The following PNPLA5 variants were observed in gnomAD, a reference collection of about 807,000 sequenced individuals.
PNPLA5 encodes the protein patatin like domain 5, triacylglycerol lipase.
A neutral mutation model predicts 49.1 loss-of-function variants in PNPLA5; 44 were observed. That is an observed-to-expected ratio of 0.90 (90% CI 0.70 to 1.15). PNPLA5 has a LOEUF of 1.15. Ranked by LOEUF, PNPLA5 falls within the 50% of genes most tolerant of loss-of-function variation. The pLI is 0.00. For synonymous variants in PNPLA5, 243 were observed against 244.4 expected, an observed-to-expected ratio of 0.99 and a Z score of 0.06; for missense variants, 603 against 564.0, an observed-to-expected ratio of 1.07 and a Z score of -0.70.
intron 7 of PNPLA5, among the ~76,000 whole-genome samples, chr22:43,882,235 C>T (rs116594705): frequency 2.7e-3 from 417 of 152,352 alleles, no homozygotes; most frequent in African/African-American, 9.7e-3. Context: ...AAGATGTCCC[C>T]GTGGTTCCCC....
rs1569506876 is a variant in PNPLA5 at position 43,881,683 on chromosome 22, A to T, written c.1083-9T>A. ...GCAGCCACACCACCAACCTGGAGGA[A>T]GGGGCAGGTCAGCTTTGCCCAGGTG... On this transcript the variant is annotated splice_polypyrimidine_tract_variant and intron_variant, in intron 7 of 8. Transcript: ENST00000216177. 1.9e-6 allele frequency: 3 copies of T among 1,613,356 alleles called. No individual in the cohort carries two copies. Among genetic ancestry groups the T allele is most frequent in the Non-Finnish European group, 2.5e-6 (3 of 1,179,726 alleles).
At chr22:43,881,861 G>T in intron 7 of PNPLA5, 187 bp from the exon 8 acceptor site, 1 of 702,110 alleles carries the variant, frequency 1.4e-6, no homozygotes, top group Non-Finnish European at 1.8e-6. Flanking sequence ...GACACCTGCA[G>T]GGTTGGAAAG....
chr22:43,882,545 T>C (rs922217098), intron 7 of PNPLA5, among the ~76,000 whole-genome samples: 1 of 152,280 alleles, frequency 6.6e-6, no homozygotes, highest in African/African-American at 2.4e-5. Flanking sequence ...CTCCTGCCTC[T>C]ATTAATGCAA....
chr22:43,886,677 C>G, intron 5 of PNPLA5, 189 bp from the exon 6 acceptor site: 1 of 908,942 alleles, frequency 1.1e-6, no homozygotes, highest in Non-Finnish European at 1.3e-6. Context: ...TCCCTGCCCA[C>G]TTTCGAGTGG....
chr22:43,885,734 C>A (rs1168390133), intron 6 of PNPLA5, among the ~76,000 whole-genome samples: 1 of 152,222 alleles, frequency 6.6e-6, no homozygotes, highest in Non-Finnish European at 1.5e-5. Flanking sequence ...AGCGGGCGGG[C>A]AGACTAAATG....
intron 1 of PNPLA5, 49 bp downstream of exon 1, chr22:43,891,639 T>G (rs2049724309): frequency 6.7e-7 from 1 of 1,489,058 alleles, no homozygotes; most frequent in South Asian, 1.4e-5. Context: ...TCGATCCGCT[T>G]TCATTAAGCT....
Position 43,880,346 on chromosome 22 carries a change from C to T in PNPLA5, c.*449G>A, listed in dbSNP as rs1368412850. 4 of 398,414 alleles carry T rather than the reference C, an allele frequency of 1.0e-5. No homozygotes were observed. Among genetic ancestry groups the T allele is most frequent in the Non-Finnish European group, 1.8e-5 (4 of 226,114 alleles). 24.7% of individuals were successfully genotyped at this position (398,414 alleles called of 1,614,324 possible). A position where few individuals can be genotyped will look rare whatever the true frequency, so the allele number is the denominator to read the frequency against. ...GATGCCGGGGGTCACCCCCAAGGGC[C>T]GCTGCAGGACTGAGAAAGTCTGGGG... is the stretch of plus-strand genomic sequence containing the variant. On this transcript the variant is annotated 3_prime_UTR_variant, in exon 9 of 9. Coordinates refer to ENST00000216177, the MANE Select transcript of PNPLA5 (RefSeq NM_138814.4).
chr22:43,888,412 T>C, intron 4 of PNPLA5, among the ~76,000 whole-genome samples: 1 of 77,566 alleles, frequency 1.3e-5, no homozygotes, highest in Non-Finnish European at 2.5e-5. Context: ...GTGTGTGTGT[T>C]TCTTTCTTTC....
chr22:43,889,604 C>T (rs1028560486), intron 3 of PNPLA5, 66 bp from the exon 4 acceptor site: 9 of 1,547,622 alleles, frequency 5.8e-6, no homozygotes, highest in Non-Finnish European at 7.8e-6. Flanking sequence ...CTGGCTGCAG[C>T]CGGTGACCCT....
chr22:43,889,015 C>G (rs1444774375), intron 4 of PNPLA5, among the ~76,000 whole-genome samples: 1 of 152,218 alleles, frequency 6.6e-6, no homozygotes, highest in Admixed American at 6.5e-5. Flanking sequence ...GATAACGGTA[C>G]CTGCCTACAG....
rs1232137618 is a variant in PNPLA5 at position 43,886,275 on chromosome 22, G to A, written c.949+28C>T. The stretch of plus-strand genomic sequence containing the variant: ...GGCCCCTGAGTGCAGGGCCCTGGTA[G>A]GTGAGCAAATGCAGGTAGAGTCCCT... On this transcript the variant is annotated intron_variant, in intron 6 of 8. Transcript: ENST00000216177. 1.9e-6 allele frequency: 3 copies of A among 1,596,144 alleles called. No individual in the cohort carries two copies. In the African/African-American group the frequency reaches 4.0e-5, roughly 21 times the overall value.
rs1049933987 is a variant in PNPLA5 at position 43,890,129 on chromosome 22, G to A, written c.427-265C>T. 13 of 971,854 alleles carry A rather than the reference G, an allele frequency of 1.3e-5. No individual in the cohort carries two copies. The African/African-American group carries it at 2.1e-4, about 16-fold the overall frequency. 60.2% of individuals were successfully genotyped at this position (971,854 alleles called of 1,614,324 possible). A position where few individuals can be genotyped will look rare whatever the true frequency, so the allele number is the denominator to read the frequency against. The stretch of plus-strand genomic sequence containing the variant: ...CAGGCTCCTGAGGAAGCCAGCCGGG[G>A]ACCCCAAAGAGTGGCCCAGACTCCT... On this transcript the variant is annotated intron_variant, in intron 2 of 8. Coordinates refer to ENST00000216177, the MANE Select transcript of PNPLA5 (RefSeq NM_138814.4).
chr22:43,884,454 G>A (rs1021086622), intron 6 of PNPLA5, 109 bp from the exon 7 acceptor site: 23 of 1,381,270 alleles, frequency 1.7e-5, no homozygotes, highest in East Asian at 2.8e-5. Flanking sequence ...ACCTTCTGCA[G>A]ATGAAGAAGC....
Position 43,881,659 on chromosome 22 carries a change from C to T in PNPLA5, c.1098G>A (p.Leu366=), listed in dbSNP as rs1157327371. 1 of 1,613,814 alleles carries T rather than the reference C, an allele frequency of 6.2e-7. No homozygotes were observed. Among genetic ancestry groups the T allele is most frequent in the Non-Finnish European group, 8.5e-7 (1 of 1,179,916 alleles). ...YFRSRRLVVW[L]PDVPADLWWM... is the part of the protein sequence containing the mutation. ...ACCACAAGTCCGCCGGCACATCGGG[C>T]AGCCACACCACCAACCTGGAGGAAG... Residue 366 remains leucine, a synonymous_variant, in exon 8 of 9, where the codon CTG becomes CTA. Coordinates refer to ENST00000216177, the MANE Select transcript of PNPLA5 (RefSeq NM_138814.4).
At chr22:43,888,422 C>CT (rs2049688906) in intron 4 of PNPLA5, among the ~76,000 whole-genome samples, 1 of 104,076 alleles carries the variant, frequency 9.6e-6, no homozygotes, top group Non-Finnish European at 1.8e-5. Context: ...TTCTTTCTTT[C>CT]CTTCTTTTTT....
rs1212455189 is a variant in PNPLA5 at position 43,886,315 on chromosome 22, C to G, written c.937G>C (p.Glu313Gln). The change falls in exon 6 of 9, where the codon GAG becomes CAG. Residue 313 changes from glutamate (E) to glutamine (Q), a missense_variant. Transcript: ENST00000216177. ...DVPNFEQLSP[E>Q]LEAALKKACT... Reference sequence around the variant, plus strand: ...GTAGAGTCCCTACCAGCCTCCAGCTCTGGTGAGAGCTGCTCAAAGTTGGGT... The same window carrying G: ...GTAGAGTCCCTACCAGCCTCCAGCTGTGGTGAGAGCTGCTCAAAGTTGGGT... 1 of 1,613,102 alleles carries G rather than the reference C, an allele frequency of 6.2e-7. No individual in the cohort carries two copies. The highest frequency in any genetic ancestry group is 1.3e-5 in the African/African-American group (1 of 75,044).
At position 43,880,244 on chromosome 22, in the gene PNPLA5, C is replaced by G. The variant is rs1292474455; in HGVS notation, c.*551G>C. The G allele has an allele frequency of 5.0e-6, 2 of 396,766 alleles. No homozygotes were observed. Among genetic ancestry groups the G allele is most frequent in the African/African-American group, 4.1e-5 (2 of 48,608 alleles). 24.6% of individuals were successfully genotyped at this position (396,766 alleles called of 1,614,324 possible). On this transcript the variant is annotated 3_prime_UTR_variant, in exon 9 of 9. Coordinates refer to ENST00000216177, the MANE Select transcript of PNPLA5 (RefSeq NM_138814.4). ...AAGACCTGGACCCCCCTCTCCTCCT[C>G]CTCCTGCTTCCTGCCAGGGCCTTCC... is the stretch of plus-strand genomic sequence containing the variant.
chr22:43,890,877 G>A (rs1246692476), intron 2 of PNPLA5, among the ~76,000 whole-genome samples, 185 bp downstream of exon 2: 1 of 152,166 alleles, frequency 6.6e-6, no homozygotes, highest in East Asian at 1.9e-4. Flanking sequence ...GCAGCAACCT[G>A]GAAAGTCTCC....
intron 4 of PNPLA5, among the ~76,000 whole-genome samples, chr22:43,888,753 T>C (rs1465338089): frequency 6.6e-6 from 1 of 152,168 alleles, no homozygotes; most frequent in Non-Finnish European, 1.5e-5. Flanking sequence ...TATATTTCAA[T>C]AGTTGTCAAA....
Sources: allele counts gnomAD v4.1 joint callset (sites outside exome capture counted in the v4.1 genomes callset), GRCh38; gene constraint gnomAD v4.1.1; transcripts MANE v1.5; gene names NCBI Gene and HGNC (gene_info 2026-07-23, HGNC 2026-07-21).